The following PELI2 variants were observed in gnomAD, a reference collection of about 807,000 sequenced individuals.
The protein encoded by PELI2 is E3 ubiquitin-protein ligase pellino homolog 2.
PELI2 carries 23 observed loss-of-function variants against 42.3 expected under a neutral mutation model. The ratio of observed to expected loss-of-function variants is 0.54; its 90% CI spans 0.39 to 0.77. The LOEUF is 0.77. PELI2 is among the 30% of genes least tolerant of loss of function. The pLI is 0.00. For synonymous variants in PELI2, 245 were observed against 212.2 expected, an observed-to-expected ratio of 1.15 and a Z score of -1.34; for missense variants, 463 against 553.2, an observed-to-expected ratio of 0.84 and a Z score of 1.64.
intron 2 of PELI2, among the ~76,000 whole-genome samples, chr14:56,268,302 T>A (rs1888976333): frequency 6.6e-6 from 1 of 152,202 alleles, no homozygotes; most frequent in Non-Finnish European, 1.5e-5. Flanking sequence ...AAGTTTTGCT[T>A]CCCATGGCAA....
chr14:56,185,955 C>G (rs1261629416), intron 2 of PELI2, among the ~76,000 whole-genome samples: 1 of 152,066 alleles, frequency 6.6e-6, no homozygotes, highest in Non-Finnish European at 1.5e-5. Flanking sequence ...ACATTAATCA[C>G]TGGAATCTGT....
chr14:56,273,314 G>A lies in PELI2; in HGVS notation c.208-6362G>A, dbSNP rs1218130043. Among the ~76,000 whole-genome samples the A allele has an allele frequency of 4.6e-5, 7 of 152,192 alleles. No homozygotes were observed. The highest frequency in any genetic ancestry group is 1.7e-4 in the African/African-American group (7 of 41,452). On this transcript the variant is annotated intron_variant, in intron 2 of 5. Coordinates refer to ENST00000267460, the MANE Select transcript of PELI2 (RefSeq NM_021255.3). The surrounding 1 kb of genome is among the most constrained non-coding windows in gnomAD (Gnocchi z 4.3). ...CCCACAGCTGGGAACCCCCAGAGCG[G>A]CAAATGGAAGCTGCAAGCCTTTCCT...
intron 2 of PELI2, among the ~76,000 whole-genome samples, chr14:56,246,163 T>C (rs1463749131): frequency 6.6e-6 from 1 of 152,190 alleles, no homozygotes; most frequent in Non-Finnish European, 1.5e-5. Flanking sequence ...GCGTTCTCCA[T>C]GTACTTTCTC....
At position 56,297,846 on chromosome 14, in the gene PELI2, T is replaced by TCCATAACTTTTTAG. The variant is rs1189766583; in HGVS notation, c.*683_*696dup. ...ATACATGGGACTTCACAAACAATTT[T>TCCATAACTTTTTAG]CCATAACTTTTTAGCCTGTCTTTTG... On this transcript the variant is annotated 3_prime_UTR_variant, in exon 6 of 6. Coordinates refer to ENST00000267460, the MANE Select transcript of PELI2 (RefSeq NM_021255.3). 1 of 152,110 alleles carries TCCATAACTTTTTAG rather than the reference T, an allele frequency of 6.6e-6. No homozygotes were observed. The highest frequency in any genetic ancestry group is 1.5e-5 in the Non-Finnish European group (1 of 68,032). 9.4% of individuals were successfully genotyped at this position (152,110 alleles called of 1,614,324 possible).
intron 2 of PELI2, among the ~76,000 whole-genome samples, chr14:56,236,091 T>G (rs12892351): frequency 0.4 from 61,325 of 152,122 alleles, 13,082 homozygotes; most frequent in South Asian, 0.53. Context: ...TTAAAAAATT[T>G]TTGTTTTGAT....
At chr14:56,215,027 T>TGTA (rs36003906) in intron 2 of PELI2, among the ~76,000 whole-genome samples, 61,108 of 151,948 alleles carry the variant, frequency 0.4, 12,986 homozygotes, top group South Asian at 0.53. Flanking sequence ...TAGTCACACA[T>TGTA]GTTGGTCAGT....
chr14:56,122,991 G>A (rs917302865), intron 1 of PELI2, among the ~76,000 whole-genome samples: 2 of 152,172 alleles, frequency 1.3e-5, no homozygotes, highest in African/African-American at 4.8e-5. Context: ...GGCACAAAAA[G>A]AGGGTAAGAA....
chr14:56,151,805 T>A (rs1884370276), intron 1 of PELI2, among the ~76,000 whole-genome samples: 1 of 152,204 alleles, frequency 6.6e-6, no homozygotes, highest in South Asian at 2.1e-4. Context: ...AGTAGTTTAT[T>A]TAAGAAGACA....
chr14:56,155,582 ATTTT>A (rs5808846), intron 1 of PELI2, among the ~76,000 whole-genome samples: 5 of 127,862 alleles, frequency 3.9e-5, no homozygotes, highest in Admixed American at 7.8e-5. Flanking sequence ...CAAGTAATAC[ATTTT>A]TTTTTTTTTT....
intron 1 of PELI2, among the ~76,000 whole-genome samples, chr14:56,151,276 ACTTCTAGCCAGTG>A (rs954589708): frequency 6.6e-6 from 1 of 152,044 alleles, no homozygotes; most frequent in Non-Finnish European, 1.5e-5. Flanking sequence ...GTGAATTTTT[ACTTCTAGCCAGTG>A]CATTGTTGTG....
intron 2 of PELI2, among the ~76,000 whole-genome samples, chr14:56,236,469 G>A (rs1887800248): frequency 6.6e-6 from 1 of 152,220 alleles, no homozygotes; most frequent in Non-Finnish European, 1.5e-5. Flanking sequence ...TGTGTGTGAT[G>A]CATGCATATG....
intron 2 of PELI2, among the ~76,000 whole-genome samples, chr14:56,272,560 C>T (rs1052450434): frequency 5.3e-5 from 8 of 152,182 alleles, no homozygotes; most frequent in African/African-American, 1.9e-4. Context: ...TCTATTCTTG[C>T]TCTAAATGTA....
chr14:56,137,855 A>G (rs930508038), intron 1 of PELI2, among the ~76,000 whole-genome samples: 28 of 152,200 alleles, frequency 1.8e-4, no homozygotes, highest in Non-Finnish European at 3.7e-4. Context: ...TCGTAGAGCT[A>G]TTAGTTGATG....
At chr14:56,229,914 T>C (rs1887497249) in intron 2 of PELI2, among the ~76,000 whole-genome samples, 1 of 152,192 alleles carries the variant, frequency 6.6e-6, no homozygotes, top group Admixed American at 6.5e-5. Flanking sequence ...AATGACTTGA[T>C]GGAGCTGAAA....
chr14:56,228,701 A>G (rs1435519458), intron 2 of PELI2, among the ~76,000 whole-genome samples: 1 of 152,200 alleles, frequency 6.6e-6, no homozygotes, highest in East Asian at 1.9e-4. Flanking sequence ...CAGAAGACGG[A>G]TGATTTCTGC....
At position 56,219,171 on chromosome 14, in the gene PELI2, G is replaced by A. The variant is rs547666733; in HGVS notation, c.207+40707G>A. On this transcript the variant is annotated intron_variant, in intron 2 of 5. Transcript: ENST00000267460. The surrounding 1 kb of genome is among the most constrained non-coding windows in gnomAD (Gnocchi z 4.1). Reference sequence around the variant, plus strand: ...TTTTATTTTTTTTTGGATGACTTGAGGACAATAAGGTGTTTGTTTATTTAT... The same window carrying A: ...TTTTATTTTTTTTTGGATGACTTGAAGACAATAAGGTGTTTGTTTATTTAT... 1.3e-5 allele frequency among the ~76,000 whole-genome samples: 2 copies of A among 151,222 alleles called. No homozygotes were observed. The highest frequency in any genetic ancestry group is 4.2e-4 in the South Asian group (2 of 4,784).
At chr14:56,123,996 C>CTG (rs1555341507) in intron 1 of PELI2, among the ~76,000 whole-genome samples, 1 of 152,126 alleles carries the variant, frequency 6.6e-6, no homozygotes. Context: ...AGAAAAATAA[C>CTG]TGTGAAAAGG....
chr14:56,242,711 A>G (rs545263388), intron 2 of PELI2, among the ~76,000 whole-genome samples: 1 of 152,370 alleles, frequency 6.6e-6, no homozygotes, highest in East Asian at 1.9e-4. Context: ...AGCAACTTGG[A>G]TGGAGCTGGA....
intron 1 of PELI2, among the ~76,000 whole-genome samples, chr14:56,150,320 G>GT (rs1884297929): frequency 6.6e-6 from 1 of 152,168 alleles, no homozygotes; most frequent in Admixed American, 6.5e-5. Flanking sequence ...TTTAGACAGA[G>GT]TTTAAGAATG....
Sources: allele counts gnomAD v4.1 joint callset (sites outside exome capture counted in the v4.1 genomes callset), GRCh38; gene constraint gnomAD v4.1.1; non-coding constraint Gnocchi (gnomAD v3.1); transcripts MANE v1.5; gene names NCBI Gene and HGNC (gene_info 2026-07-23, HGNC 2026-07-21).